The following CLVS1 variants were observed in gnomAD, a reference collection of about 807,000 sequenced individuals.
CLVS1 encodes clavesin-1.
CLVS1 carries 10 observed loss-of-function variants against 33.1 expected under a neutral mutation model. The observed-to-expected ratio is 0.30, with a 90% CI of 0.19 to 0.51. The LOEUF (loss-of-function observed/expected upper bound fraction) is 0.51. CLVS1 is among the 20% of genes least tolerant of loss of function. The pLI, the probability that CLVS1 is intolerant of heterozygous loss-of-function variation, is 0.97. For missense variants in CLVS1, 343 were observed against 433.4 expected, an observed-to-expected ratio of 0.79 and a Z score of 1.85; for synonymous variants, 163 against 166.1, an observed-to-expected ratio of 0.98 and a Z score of 0.14.
In CLVS1 at chr8:61,441,213, A is replaced by G. The variant is rs549043414; in HGVS notation, c.631-12928A>G. On this transcript the variant is annotated intron_variant, in intron 3 of 5. Transcript: ENST00000325897. Reference sequence around the variant, plus strand: ...TGCATGAACTGAATAGATAAAGCCTAACTTCATGCTGTGTGCTTATACCAC... The same window carrying G: ...TGCATGAACTGAATAGATAAAGCCTGACTTCATGCTGTGTGCTTATACCAC... 2.6e-5 allele frequency among the ~76,000 whole-genome samples: 4 copies of G among 152,336 alleles called. No homozygotes were observed. The South Asian group carries it at 8.3e-4, about 32-fold the overall frequency.
At chr8:61,083,700 A>G (rs1408874837) in intron 1 of CLVS1, among the ~76,000 whole-genome samples, 1 of 152,208 alleles carries the variant, frequency 6.6e-6, no homozygotes, top group Non-Finnish European at 1.5e-5. Flanking sequence ...CAAATAGTGA[A>G]AAAAACAGAG....
the CLVS1 span, among the ~76,000 whole-genome samples, chr8:60,997,956 TTGTG>T: frequency 6.7e-6 from 1 of 149,292 alleles, no homozygotes; most frequent in African/African-American, 2.5e-5. Context: ...GTGTGTGTGT[TTGTG>T]TGTATGTGTG....
At chr8:61,181,184 C>T (rs959105962) in intron 2 of CLVS1, among the ~76,000 whole-genome samples, 1 of 152,040 alleles carries the variant, frequency 6.6e-6, no homozygotes, top group Non-Finnish European at 1.5e-5. Flanking sequence ...TTCCTATACA[C>T]CAACAATAGA....
At position 61,481,316 on chromosome 8, in the gene CLVS1, T is replaced by A. The variant is rs4316147; in HGVS notation, c.978-18139T>A. Among the ~76,000 whole-genome samples the A allele has an allele frequency of 7.9e-3, 1,209 of 152,158 alleles. 11 individuals are homozygous for A. The highest frequency in any genetic ancestry group is 0.028 in the African/African-American group (1,158 of 41,492). On this transcript the variant is annotated intron_variant, in intron 5 of 5. Coordinates refer to ENST00000325897, the MANE Select transcript of CLVS1 (RefSeq NM_173519.3). ...TGTGAGCGACGCAGAAGATGGGTGA[T>A]TTCTGCATTTCCAACTGAAGTACTA...
At chr8:61,176,988 C>G (rs1183956055) in intron 2 of CLVS1, among the ~76,000 whole-genome samples, 5 of 151,642 alleles carry the variant, frequency 3.3e-5, no homozygotes, top group African/African-American at 1.2e-4. Context: ...TGCCTGCTGT[C>G]TAAGCCATCT....
intron 2 of CLVS1, among the ~76,000 whole-genome samples, chr8:61,192,384 A>G (rs1007749354): frequency 5.4e-4 from 82 of 152,368 alleles, no homozygotes; most frequent in African/African-American, 1.8e-3. Context: ...TTCAGGATGA[A>G]TTAAAGACTT....
chr8:61,391,665 G>A (rs1168772514), intron 3 of CLVS1, among the ~76,000 whole-genome samples: 1 of 152,172 alleles, frequency 6.6e-6, no homozygotes, highest in Non-Finnish European at 1.5e-5. Context: ...TTTGTTGAGA[G>A]GAGTAATCCT....
chr8:61,057,878 C>T (rs900852026), intron 1 of CLVS1, among the ~76,000 whole-genome samples: 1 of 152,166 alleles, frequency 6.6e-6, no homozygotes, highest in African/African-American at 2.4e-5. Context: ...CACCCAACCT[C>T]GTGGGCTGTG....
chr8:61,350,404 G>A (rs886359126), intron 2 of CLVS1, among the ~76,000 whole-genome samples: 4 of 151,952 alleles, frequency 2.6e-5, no homozygotes, highest in Non-Finnish European at 5.9e-5. Flanking sequence ...ACAACTCTTT[G>A]TATTTGGCAT....
chr8:61,149,297 A>T (rs1195643271), intron 2 of CLVS1, among the ~76,000 whole-genome samples: 1 of 152,174 alleles, frequency 6.6e-6, no homozygotes, highest in Non-Finnish European at 1.5e-5. Flanking sequence ...CATGCCTGTA[A>T]TCCCAGCACT....
intron 3 of CLVS1, among the ~76,000 whole-genome samples, chr8:61,420,787 G>A (rs1021012488): frequency 6.6e-6 from 1 of 151,842 alleles, no homozygotes; most frequent in Non-Finnish European, 1.5e-5. Context: ...TGCCCAACAT[G>A]GTGAAACGCC....
intron 4 of CLVS1, among the ~76,000 whole-genome samples, chr8:61,456,842 T>C (rs7831231): frequency 0.83 from 124,980 of 150,590 alleles, 52,022 homozygotes; most frequent in Middle Eastern, 0.86. Flanking sequence ...GGCATGAACC[T>C]GGGAGGGGGA....
intron 1 of CLVS1, among the ~76,000 whole-genome samples, chr8:61,113,268 C>T (rs16926869): frequency 6.6e-5 from 10 of 152,040 alleles, no homozygotes; most frequent in East Asian, 5.8e-4. Context: ...AGAACAGCAG[C>T]GCAAAAATAG....
intron 2 of CLVS1, among the ~76,000 whole-genome samples, chr8:61,210,813 T>G (rs1585691402): frequency 2.6e-5 from 4 of 152,138 alleles, no homozygotes; most frequent in African/African-American, 9.7e-5. Flanking sequence ...TAGGACTGGA[T>G]GTATAGATTG....
intron 5 of CLVS1, among the ~76,000 whole-genome samples, chr8:61,463,082 A>T (rs1039753698): frequency 6.6e-6 from 1 of 152,184 alleles, no homozygotes; most frequent in East Asian, 1.9e-4. Context: ...CTATATCATC[A>T]CTTGCTGCTT....
intron 5 of CLVS1, among the ~76,000 whole-genome samples, chr8:61,486,127 A>AAAT (rs1458411612): frequency 1.3e-5 from 2 of 150,136 alleles, no homozygotes; most frequent in Non-Finnish European, 3.0e-5. Context: ...ATAAATAAAT[A>AAAT]AAATAAATGG....
the CLVS1 span, among the ~76,000 whole-genome samples, chr8:61,022,579 A>G: frequency 4.5e-4 from 68 of 152,322 alleles, 1 homozygote; most frequent in South Asian, 0.014. Flanking sequence ...TATTCATGTT[A>G]TTGCTACTCT....
At chr8:61,482,991 A>C (rs1429013629) in intron 5 of CLVS1, among the ~76,000 whole-genome samples, 2 of 152,260 alleles carry the variant, frequency 1.3e-5, no homozygotes, top group Non-Finnish European at 2.9e-5. Flanking sequence ...AGAAAGCAGG[A>C]AAGATCTAAA....
At chr8:61,283,610 A>T (rs1330218967), upstream of CLVS1, among the ~76,000 whole-genome samples, 1 of 152,182 alleles carries the variant, frequency 6.6e-6, no homozygotes, top group Non-Finnish European at 1.5e-5. Flanking sequence ...ATAGCTTTCA[A>T]AATGATAGAA....
Sources: gnomAD v4.1 joint callset for allele counts (sites outside exome capture counted in the v4.1 genomes callset) on GRCh38, gnomAD v4.1.1 for gene constraint, MANE v1.5 for transcripts, NCBI Gene and HGNC (gene_info 2026-07-23, HGNC 2026-07-21) for gene names.